Variants in NRXN1 observed in about 807,000 individuals in gnomAD.
The protein encoded by NRXN1 is neurexin-1.
NRXN1 carries 39 observed loss-of-function variants against 150.9 expected under a neutral mutation model. That is an observed-to-expected ratio of 0.26 (90% CI 0.20 to 0.34). The LOEUF (loss-of-function observed/expected upper bound fraction) is 0.34, where lower values mean the gene tolerates loss of function less well. NRXN1 is among the 10% of genes least tolerant of loss of function. The pLI is 1.00. For synonymous variants in NRXN1, 924 were observed against 757.0 expected (o/e 1.22, Z -3.62); for missense variants, 1,815 against 1,949.9 (o/e 0.93, Z 1.30).
intron 21 of NRXN1, among the ~76,000 whole-genome samples, chr2:50,044,818 C>T (rs1691559870): frequency 1.3e-5 from 2 of 152,058 alleles, no homozygotes; most frequent in African/African-American, 4.8e-5. Flanking sequence ...ATATTAGTTG[C>T]ACATAAGATT....
chr2:51,009,624 G>A (rs186666663), intron 2 of NRXN1, among the ~76,000 whole-genome samples: 2 of 151,942 alleles, frequency 1.3e-5, no homozygotes, highest in Admixed American at 6.6e-5. Context: ...CAGGAAAGTT[G>A]TGAGTCATTT....
At chr2:50,707,124 T>C (rs1456702213) in intron 5 of NRXN1, among the ~76,000 whole-genome samples, 1 of 152,168 alleles carries the variant, frequency 6.6e-6, no homozygotes, top group Admixed American at 6.6e-5. Context: ...TAGGTGTGTA[T>C]GTATTTGCTT....
chr2:50,435,673 C>T (rs2085359069), intron 17 of NRXN1, among the ~76,000 whole-genome samples: 1 of 152,070 alleles, frequency 6.6e-6, no homozygotes, highest in African/African-American at 2.4e-5. Context: ...AATGGGATTG[C>T]TGGGTTGAAT....
chr2:50,966,443 C>T (rs1048968956), intron 2 of NRXN1, among the ~76,000 whole-genome samples: 1 of 151,478 alleles, frequency 6.6e-6, no homozygotes, highest in East Asian at 1.9e-4. Flanking sequence ...TAACGGAGGG[C>T]CTTATTATTT....
chr2:51,004,245 C>G (rs1700426682), intron 2 of NRXN1, among the ~76,000 whole-genome samples: 1 of 151,878 alleles, frequency 6.6e-6, no homozygotes, highest in African/African-American at 2.4e-5. Context: ...AAAGGGCAAC[C>G]TGAATAAACA....
At chr2:50,506,697 G>C (rs998221922) in intron 12 of NRXN1, 80 bp from the exon 13 acceptor site, 3 of 1,427,912 alleles carry the variant, frequency 2.1e-6, no homozygotes, top group East Asian at 2.4e-5. Flanking sequence ...GAGAGAAAGA[G>C]ACAAGGGGGG....
chr2:49,946,396 T>G (rs999194744), intron 21 of NRXN1, among the ~76,000 whole-genome samples: 4 of 152,186 alleles, frequency 2.6e-5, no homozygotes, highest in Admixed American at 6.5e-5. Flanking sequence ...TTAGATCCCA[T>G]TTGTCAATTT....
chr2:50,167,015 GA>G (rs1460017284), intron 18 of NRXN1, among the ~76,000 whole-genome samples: 1 of 152,174 alleles, frequency 6.6e-6, no homozygotes, highest in Non-Finnish European at 1.5e-5. Context: ...ATGGCATGTA[GA>G]TTACATACAA....
At chr2:50,318,055 C>T (rs1385141476) in intron 17 of NRXN1, among the ~76,000 whole-genome samples, 2 of 151,852 alleles carry the variant, frequency 1.3e-5, no homozygotes, top group African/African-American at 2.4e-5. Context: ...CTGAAAATTC[C>T]AGTCACATAC....
At position 50,060,946 on chromosome 2, in the gene NRXN1, A is replaced by G. The variant is rs571301865; in HGVS notation, c.3719-5902T>C. 2.0e-5 allele frequency among the ~76,000 whole-genome samples: 3 copies of G among 152,328 alleles called. No individual in the cohort carries two copies. The South Asian group carries it at 6.2e-4, about 32-fold the overall frequency. On this transcript the variant is annotated intron_variant, in intron 19 of 22. Transcript: ENST00000401669. ...AAACATTGTGAAGACACATCTAAAT[A>G]AAGTACAGCGACAATGTCTTTTTAA...
intron 5 of NRXN1, among the ~76,000 whole-genome samples, chr2:50,751,503 G>A (rs984520601): frequency 6.6e-6 from 1 of 151,910 alleles, no homozygotes; most frequent in Non-Finnish European, 1.5e-5. Context: ...TTATAAGCCT[G>A]CCAGAAAACA....
chr2:50,750,902 T>C (rs1458848867), intron 5 of NRXN1, among the ~76,000 whole-genome samples: 1 of 152,090 alleles, frequency 6.6e-6, no homozygotes, highest in Non-Finnish European at 1.5e-5. Context: ...AATGCATATT[T>C]CTTCATGCAT....
At chr2:50,559,182 C>A (rs1375141213) in intron 8 of NRXN1, among the ~76,000 whole-genome samples, 4 of 152,152 alleles carry the variant, frequency 2.6e-5, no homozygotes. Flanking sequence ...TTTCTACGCA[C>A]CATCTCCTTA....
intron 19 of NRXN1, among the ~76,000 whole-genome samples, chr2:50,062,672 C>A (rs541694775): frequency 2.0e-5 from 3 of 152,080 alleles, no homozygotes; most frequent in Admixed American, 6.6e-5. Flanking sequence ...ACTCAGAGAA[C>A]AAAGATAAAT....
At chr2:50,829,300 T>C in intron 5 of NRXN1, 1 of 620,300 alleles carries the variant, frequency 1.6e-6, no homozygotes, top group Non-Finnish European at 2.8e-6. Context: ...AGGGGTAATT[T>C]TGTATTTTTA....
At chr2:50,102,365 A>G (rs1405033545) in intron 18 of NRXN1, among the ~76,000 whole-genome samples, 1 of 152,074 alleles carries the variant, frequency 6.6e-6, no homozygotes, top group Admixed American at 6.6e-5. Context: ...ATATTTATAT[A>G]CATTTATTTT....
At chr2:50,095,350 A>G (rs973118972) in intron 18 of NRXN1, among the ~76,000 whole-genome samples, 4 of 152,212 alleles carry the variant, frequency 2.6e-5, no homozygotes, top group African/African-American at 9.7e-5. Flanking sequence ...TTTCAACACA[A>G]CAAGTACAGG....
At chr2:50,110,681 G>A (rs529429488) in intron 18 of NRXN1, among the ~76,000 whole-genome samples, 19 of 152,052 alleles carry the variant, frequency 1.2e-4, no homozygotes, top group African/African-American at 4.3e-4. Flanking sequence ...ATAAATGGAG[G>A]GGCCAATTCT....
At chr2:50,630,144 G>GT (rs1682005026) in intron 5 of NRXN1, among the ~76,000 whole-genome samples, 1 of 151,522 alleles carries the variant, frequency 6.6e-6, no homozygotes, top group Non-Finnish European at 1.5e-5. Flanking sequence ...AAAATTCACA[G>GT]TTCTTGCTCA....
Sources: allele counts gnomAD v4.1 joint callset (sites outside exome capture counted in the v4.1 genomes callset), GRCh38; gene constraint gnomAD v4.1.1; transcripts MANE v1.5; gene names NCBI Gene and HGNC (gene_info 2026-07-23, HGNC 2026-07-21).